The following ATXN1 variants were observed in gnomAD, a reference collection of about 807,000 sequenced individuals.
ATXN1 encodes the protein ataxin-1.
ATXN1 carries 8 observed loss-of-function variants against 56.4 expected under a neutral mutation model. That is an observed-to-expected ratio of 0.14 (90% CI 0.08 to 0.26). ATXN1 has a LOEUF of 0.26. ATXN1 is among the 10% of genes least tolerant of loss of function. The pLI is 1.00. For synonymous variants in ATXN1, 514 were observed against 494.6 expected (o/e 1.04, Z -0.52); for missense variants, 987 against 1,106.5 (o/e 0.89, Z 1.53).
intron 3 of ATXN1, among the ~76,000 whole-genome samples, chr6:16,633,341 C>G (rs963002077): frequency 6.6e-6 from 1 of 152,104 alleles, no homozygotes; most frequent in African/African-American, 2.4e-5. Flanking sequence ...CACCCATTGA[C>G]AAGCCTAGAA....
At chr6:16,397,179 T>C (rs1472507266) in intron 6 of ATXN1, among the ~76,000 whole-genome samples, 1 of 152,216 alleles carries the variant, frequency 6.6e-6, no homozygotes, top group Non-Finnish European at 1.5e-5. Context: ...ACAGTGAGAG[T>C]ATTTATATTA....
chr6:16,531,199 C>T (rs777597187), intron 4 of ATXN1, among the ~76,000 whole-genome samples: 1 of 152,156 alleles, frequency 6.6e-6, no homozygotes, highest in Non-Finnish European at 1.5e-5. Context: ...CTGTGGTCTA[C>T]GTTTCGGGGC....
At chr6:16,592,921 A>T (rs187528573) in intron 3 of ATXN1, among the ~76,000 whole-genome samples, 1 of 151,968 alleles carries the variant, frequency 6.6e-6, no homozygotes, top group African/African-American at 2.4e-5. Flanking sequence ...TTTCCCGTCC[A>T]TGTCCTGTTT....
chr6:16,741,538 C>A (rs546445583), intron 2 of ATXN1, among the ~76,000 whole-genome samples: 1 of 152,282 alleles, frequency 6.6e-6, no homozygotes, highest in African/African-American at 2.4e-5. Context: ...ATTAAGTGCA[C>A]CCTTCAGAGA....
chr6:16,452,892 T>C (rs1262977993), intron 6 of ATXN1, among the ~76,000 whole-genome samples: 2 of 152,254 alleles, frequency 1.3e-5, no homozygotes, highest in African/African-American at 4.8e-5. Context: ...AGGATTCTGA[T>C]GAAAGTTTAG....
intron 6 of ATXN1, among the ~76,000 whole-genome samples, chr6:16,381,560 C>T (rs1758115766): frequency 6.6e-6 from 1 of 152,158 alleles, no homozygotes; most frequent in Admixed American, 6.5e-5. Context: ...GCATATAATG[C>T]CGTTTGTGTG....
At chr6:16,544,416 C>T (rs944219364) in intron 4 of ATXN1, among the ~76,000 whole-genome samples, 2 of 152,142 alleles carry the variant, frequency 1.3e-5, no homozygotes, top group African/African-American at 4.8e-5. Flanking sequence ...CCTAAGAACA[C>T]AAGAATGAGC....
chr6:16,555,413 T>C (rs922377630), intron 4 of ATXN1, among the ~76,000 whole-genome samples: 2 of 152,200 alleles, frequency 1.3e-5, no homozygotes, highest in Admixed American at 1.3e-4. Context: ...ACACAGCCAG[T>C]GAGCTCCATG....
intron 2 of ATXN1, among the ~76,000 whole-genome samples, chr6:16,750,421 T>C (rs1760675379): frequency 6.6e-6 from 1 of 152,206 alleles, no homozygotes. Flanking sequence ...AACTATAATG[T>C]AGGTTTAAGA....
chr6:16,331,297 T>C (rs1760986615), intron 6 of ATXN1, among the ~76,000 whole-genome samples: 1 of 152,208 alleles, frequency 6.6e-6, no homozygotes. Flanking sequence ...CACTGCGCCC[T>C]GCCCACCTAG....
At chr6:16,587,402 A>C (rs1315275231) in intron 3 of ATXN1, among the ~76,000 whole-genome samples, 5 of 152,250 alleles carry the variant, frequency 3.3e-5, no homozygotes, top group Non-Finnish European at 7.3e-5. Context: ...AAAATTCTTA[A>C]ACATGTTTAC....
chr6:16,580,606 T>C (rs1438162704), intron 4 of ATXN1, among the ~76,000 whole-genome samples: 2 of 152,226 alleles, frequency 1.3e-5, no homozygotes, highest in African/African-American at 2.4e-5. Flanking sequence ...CCTTATTTCA[T>C]GAGAGTTATT....
chr6:16,655,961 G>C (rs1013060699), intron 3 of ATXN1, among the ~76,000 whole-genome samples: 1 of 151,678 alleles, frequency 6.6e-6, no homozygotes, highest in African/African-American at 2.4e-5. Flanking sequence ...ATGGTGGCAC[G>C]CATCTGTAGT....
chr6:16,710,322 A>G (rs1156349568), intron 2 of ATXN1, among the ~76,000 whole-genome samples: 1 of 152,156 alleles, frequency 6.6e-6, no homozygotes, highest in African/African-American at 2.4e-5. Flanking sequence ...AGAAAGATAT[A>G]CCGTGTTTTT....
At chr6:16,615,365 T>G (rs942532019) in intron 3 of ATXN1, 1 of 151,196 alleles carries the variant, frequency 6.6e-6, no homozygotes, top group African/African-American at 2.4e-5. Context: ...ACTGTTACTA[T>G]CAGAGGCTTC....
chr6:16,422,320 A>G (rs1316094717), intron 6 of ATXN1, among the ~76,000 whole-genome samples: 2 of 152,214 alleles, frequency 1.3e-5, no homozygotes, highest in Non-Finnish European at 2.9e-5. Flanking sequence ...AGCTGTGCAC[A>G]GTAAGCGCAC....
intron 6 of ATXN1, among the ~76,000 whole-genome samples, chr6:16,429,117 C>T (rs771351281): frequency 7.2e-4 from 109 of 152,138 alleles, no homozygotes; most frequent in Middle Eastern, 6.8e-3. Context: ...TCCCTCCTCA[C>T]TAGGTGATGG....
intron 6 of ATXN1, among the ~76,000 whole-genome samples, chr6:16,330,391 T>G (rs1328880916): frequency 2.4e-5 from 1 of 42,260 alleles, no homozygotes; most frequent in Non-Finnish European, 5.0e-5. Flanking sequence ...CCTTCCTTCC[T>G]TTTTTTTTTT....
At chr6:16,588,144 A>G (rs1201915621) in intron 3 of ATXN1, among the ~76,000 whole-genome samples, 1 of 151,954 alleles carries the variant, frequency 6.6e-6, no homozygotes, top group Admixed American at 6.6e-5. Flanking sequence ...CCCATATTCA[A>G]CCATGCAGCC....
Sources: gnomAD v4.1 joint callset for allele counts (sites outside exome capture counted in the v4.1 genomes callset) on GRCh38, gnomAD v4.1.1 for gene constraint, MANE v1.5 for transcripts, NCBI Gene and HGNC (gene_info 2026-07-23, HGNC 2026-07-21) for gene names.